The following TTC3 variants were observed in gnomAD, a reference collection of about 807,000 sequenced individuals.
The protein encoded by TTC3 is E3 ubiquitin-protein ligase TTC3.
In TTC3, 180 loss-of-function variants were observed where a neutral mutation model predicts 249.6. The ratio of observed to expected loss-of-function variants is 0.72; its 90% confidence interval spans 0.64 to 0.82. TTC3 has a LOEUF of 0.82. Ranked by LOEUF, TTC3 falls within the 40% of genes least tolerant of loss-of-function variation. The pLI is 0.00. For synonymous variants in TTC3, 717 were observed against 805.0 expected (o/e 0.89, Z 1.85); for missense variants, 2,061 against 2,398.4 (o/e 0.86, Z 2.94).
At chr21:37,075,405 G>A (rs752746247) in intron 1 of TTC3, among the ~76,000 whole-genome samples, 2 of 152,190 alleles carry the variant, frequency 1.3e-5, no homozygotes, top group Non-Finnish European at 2.9e-5. Context: ...ACATTTGGAA[G>A]TTTCTGTAGG....
At chr21:37,124,112 CTTTTTTT>C (rs60916518) in intron 13 of TTC3, among the ~76,000 whole-genome samples, 11 of 61,282 alleles carry the variant, frequency 1.8e-4, no homozygotes, top group East Asian at 1.7e-3. Context: ...TTGAACTGTT[CTTTTTTT>C]TTTTTTTTTT....
chr21:37,101,930 A>G (rs1568918496), intron 10 of TTC3, among the ~76,000 whole-genome samples: 1 of 148,116 alleles, frequency 6.8e-6, no homozygotes, highest in Non-Finnish European at 1.5e-5. Flanking sequence ...ATATATATAT[A>G]TTAGTTTATA....
chr21:37,116,787 A>G (rs1055947973), intron 11 of TTC3, among the ~76,000 whole-genome samples: 17 of 152,200 alleles, frequency 1.1e-4, no homozygotes, highest in Non-Finnish European at 1.9e-4. Flanking sequence ...AGCCTGGGTG[A>G]CAGAGTGAAA....
At chr21:37,154,275 T>C (rs1023771494) in intron 27 of TTC3, among the ~76,000 whole-genome samples, 4 of 152,156 alleles carry the variant, frequency 2.6e-5, no homozygotes, top group African/African-American at 4.8e-5. Flanking sequence ...CTGCCAGCCG[T>C]CCCCACCTGT....
chr21:37,133,509 A>T (rs963761241), intron 17 of TTC3, among the ~76,000 whole-genome samples: 3 of 152,238 alleles, frequency 2.0e-5, no homozygotes, highest in Admixed American at 6.5e-5. Context: ...ACTTAAATAG[A>T]TGACAGCCTG....
chr21:37,149,742 C>G, intron 23 of TTC3, among the ~76,000 whole-genome samples: 1 of 152,306 alleles, frequency 6.6e-6, no homozygotes, highest in African/African-American at 2.4e-5. Context: ...AAGAATGACC[C>G]TTTTCTGGAA....
chr21:37,140,450 G>T, intron 19 of TTC3, 111 bp from the exon 20 acceptor site: 1 of 672,496 alleles, frequency 1.5e-6, no homozygotes. Context: ...CAGGAATTTG[G>T]GGATATGCAG....
intron 18 of TTC3, 93 bp from the exon 19 acceptor site, chr21:37,138,541 T>G: frequency 2.3e-5 from 17 of 745,922 alleles, no homozygotes; most frequent in Non-Finnish European, 3.7e-5. Flanking sequence ...GATTGATTAG[T>G]GAGATTCTAT....
chr21:37,109,861 A>T (rs1303605849), intron 11 of TTC3, among the ~76,000 whole-genome samples: 1 of 152,118 alleles, frequency 6.6e-6, no homozygotes, highest in Admixed American at 6.5e-5. Flanking sequence ...TCTGAGACAA[A>T]ACTTCCAGAG....
intron 1 of TTC3, among the ~76,000 whole-genome samples, chr21:37,080,792 C>A (rs1018396814): frequency 5.9e-5 from 9 of 151,616 alleles, no homozygotes; most frequent in Admixed American, 3.9e-4. Context: ...ATATTCTTTT[C>A]TTTCATTTTA....
intron 19 of TTC3, among the ~76,000 whole-genome samples, chr21:37,139,082 G>A (rs147314914): frequency 6.6e-6 from 1 of 152,042 alleles, no homozygotes; most frequent in African/African-American, 2.4e-5. Flanking sequence ...TATGAATTCT[G>A]TGCATCTTGT....
chr21:37,194,646 A>G (rs1298619274), intron 41 of TTC3: 2 of 152,244 alleles, frequency 1.3e-5, no homozygotes, highest in African/African-American at 4.8e-5. Flanking sequence ...GCTAAGATCT[A>G]TGGTCAGAAC....
At chr21:37,099,991 T>G (rs909793114) in intron 10 of TTC3, among the ~76,000 whole-genome samples, 2 of 152,248 alleles carry the variant, frequency 1.3e-5, no homozygotes, top group African/African-American at 4.8e-5. Context: ...ACAGAATGAT[T>G]TGTACACTGT....
intron 10 of TTC3, chr21:37,098,205 G>T: frequency 3.2e-6 from 1 of 308,758 alleles, no homozygotes; most frequent in Non-Finnish European, 6.0e-6. Context: ...ATTTTGTGCT[G>T]TTTGAAGGTG....
rs1237316354 is a variant in TTC3, at chr21:37,200,239, G to T, written c.5858G>T (p.Gly1953Val). Residue 1953 changes from glycine (G) to valine (V), a missense_variant, in exon 45 of 46, where the codon GGT (glycine) becomes GTT (valine). Physicochemically the swap from Gly to Val is moderately radical, Grantham distance 109 (BLOSUM62 -3). This residue lies in a region of TTC3 where 1,040 missense variants were observed against 1,186.1 expected (regional missense o/e 0.88). Transcript: ENST00000355666. ...GTGTGTTTGTTTCCACAGGCACTGG[G>T]TGCAAGTTCCTGTGAAATATGCCAC... 3.1e-6 allele frequency: 5 copies of T among 1,614,090 alleles called. No homozygotes were observed. The Admixed American group carries it at 6.7e-5, about 22-fold the overall frequency.
intron 10 of TTC3, among the ~76,000 whole-genome samples, chr21:37,104,069 A>G (rs951006850): frequency 2.6e-5 from 4 of 152,230 alleles, no homozygotes; most frequent in Non-Finnish European, 5.9e-5. Context: ...GAATATTGAC[A>G]GTGGGAATGG....
At chr21:37,152,116 A>G (rs1015586214) in intron 26 of TTC3, 87 bp downstream of exon 26, 4 of 1,303,488 alleles carry the variant, frequency 3.1e-6, no homozygotes, top group African/African-American at 1.5e-5. Context: ...TATATTCATC[A>G]TTATTGAATT....
chr21:37,165,927 A>C (rs776921450), exon 33 of TTC3: 4 of 1,614,182 alleles, frequency 2.5e-6, no homozygotes, highest in East Asian at 2.2e-5. Flanking sequence ...GTGAAACCCA[A>C]ACCTGTGTCT....
intron 11 of TTC3, among the ~76,000 whole-genome samples, chr21:37,115,127 T>A (rs914208772): frequency 6.6e-6 from 1 of 151,450 alleles, no homozygotes; most frequent in Non-Finnish European, 1.5e-5. Flanking sequence ...CATGTATACC[T>A]ATGTAACAAA....
Sources: gnomAD v4.1 joint callset for allele counts (sites outside exome capture counted in the v4.1 genomes callset) on GRCh38, gnomAD v4.1.1 for gene constraint, gnomAD v4.1.1 regional missense constraint, MANE v1.5 for transcripts, NCBI Gene and HGNC (gene_info 2026-07-23, HGNC 2026-07-21) for gene names.